The following STOML2 variants were observed in gnomAD, a reference collection of about 807,000 sequenced individuals.
STOML2 encodes stomatin like 2.
Under a neutral mutation model 45.7 loss-of-function variants are expected in STOML2, and 22 were observed. That is an observed-to-expected ratio of 0.48 (90% CI 0.34 to 0.69). The LOEUF (loss-of-function observed/expected upper bound fraction) is 0.69, where lower values mean the gene tolerates loss of function less well. Among genes scored for constraint, STOML2 ranks in the 30% least tolerant of loss-of-function variants. The pLI, the probability that STOML2 is intolerant of heterozygous loss-of-function variation, is 0.01. For synonymous variants in STOML2, 181 were observed against 182.7 expected, an observed-to-expected ratio of 0.99 and a Z score of 0.08; for missense variants, 359 against 466.9, an observed-to-expected ratio of 0.77 and a Z score of 2.13.
In STOML2 at chr9:35,100,635, G is replaced by T; in HGVS notation, c.896C>A (p.Pro299His). 1 of 1,614,110 alleles carries T rather than the reference G, an allele frequency of 6.2e-7. No individual in the cohort carries two copies. Among genetic ancestry groups the T allele is most frequent in the East Asian group, 2.2e-5 (1 of 44,876 alleles). Reference protein sequence around the residue: ...LAKDSNTILLPSNPGDVTSMV... With the variant: ...LAKDSNTILLHSNPGDVTSMV... ...GCTGGTGACATCGCCAGGGTTGGAG[G>T]GCAGTAGGATAGTGTTGGAGTCCTT... is the stretch of plus-strand genomic sequence containing the variant. The change falls in exon 9 of 10, where the codon CCC becomes CAC. Residue 299 changes from proline to histidine, a missense_variant. Pro to His is a moderately conservative substitution (Grantham distance 77). Coordinates refer to ENST00000356493, the MANE Select transcript of STOML2 (RefSeq NM_013442.3).
chr9:35,102,923 G>C lies in STOML2; in HGVS notation c.46-100C>G. On this transcript the variant is annotated intron_variant, in intron 1 of 9. Coordinates refer to ENST00000356493, the MANE Select transcript of STOML2 (RefSeq NM_013442.3). The surrounding 1 kb of genome is among the most constrained non-coding windows in gnomAD (Gnocchi z 4.8). ...ATAAACCACGACCCTCAGGATCCTC[G>C]GAGAATCACATGGGGACCATGACCT... is the stretch of plus-strand genomic sequence containing the variant. 1 of 1,573,238 alleles carries C rather than the reference G, an allele frequency of 6.4e-7. No homozygotes were observed. Among genetic ancestry groups the C allele is most frequent in the Non-Finnish European group, 8.6e-7 (1 of 1,157,642 alleles).
rs1829828809 is a variant in STOML2 at position 35,102,019 on chromosome 9, T to C, written c.284-57A>G. ...CAGGCCTCTAGGTCCCAACCAGTTC[T>C]TTCTACTAAGCTCTGGATCTACAGC... On this transcript the variant is annotated intron_variant, in intron 3 of 9. Coordinates refer to ENST00000356493, the MANE Select transcript of STOML2 (RefSeq NM_013442.3). The surrounding 1 kb of genome is among the most constrained non-coding windows in gnomAD (Gnocchi z 4.8). 4 of 1,613,380 alleles carry C rather than the reference T, an allele frequency of 2.5e-6. No individual in the cohort carries two copies. In the Admixed American group the frequency reaches 6.7e-5, roughly 27 times the overall value.
At chr9:35,103,192 C>T, upstream of STOML2, 1 of 1,448,156 alleles carries the variant, frequency 6.9e-7, no homozygotes, top group Non-Finnish European at 9.4e-7. Context: ...TCCGCTCCCC[C>T]GGATGTACTT....
chr9:35,100,277 G>C, intron 9 of STOML2, 105 bp from the exon 10 acceptor site: 4 of 1,463,140 alleles, frequency 2.7e-6, no homozygotes, highest in Non-Finnish European at 3.7e-6. Flanking sequence ...CAGTAAGTTG[G>C]TTTTCCTTTC....
Position 35,100,017 on chromosome 9 carries a change from T to A in STOML2, c.*18A>T. Reference sequence around the variant, plus strand: ...TCTGCTTCCTTGTTCCCAGACTCCCTGGCCAAGCCCAGCTCCACTAACTCA... The same window carrying A: ...TCTGCTTCCTTGTTCCCAGACTCCCAGGCCAAGCCCAGCTCCACTAACTCA... On this transcript the variant is annotated 3_prime_UTR_variant, in exon 10 of 10. Transcript: ENST00000356493. The A allele has an allele frequency of 6.2e-7, 1 of 1,609,548 alleles. No homozygotes were observed. The highest frequency in any genetic ancestry group is 1.1e-5 in the South Asian group (1 of 90,912).
At position 35,102,788 on chromosome 9, in the gene STOML2, G is replaced by A; in HGVS notation, c.81C>T (p.Arg27=). The change falls in exon 2 of 10, where the codon CGC becomes CGT. Residue 27 remains arginine (R), a synonymous_variant. Transcript: ENST00000356493. The surrounding 1 kb of genome is among the most constrained non-coding windows in gnomAD (Gnocchi z 4.8). The part of the protein sequence containing the change: ...SLLASGRAPR[R]ASSGLPRNTV... ...TGTTTCGGGGCAATCCAGAGGAGGC[G>A]CGGCGCGGAGCGCGGCCAGAAGCCA... The A allele has an allele frequency of 6.2e-7, 1 of 1,614,026 alleles. No homozygotes were observed.
rs1018250923 is a variant in STOML2 at position 35,101,635 on chromosome 9, A to T, written c.444+75T>A. On this transcript the variant is annotated intron_variant, in intron 5 of 9. Transcript: ENST00000356493. The surrounding 1 kb of genome is among the most constrained non-coding windows in gnomAD (Gnocchi z 4.3). ...CTACACTGAGAAGGGCCTGGGACTG[A>T]TCTTGACCTTCAGAAAAGATTAAGA... 1 of 1,613,628 alleles carries T rather than the reference A, an allele frequency of 6.2e-7. No individual in the cohort carries two copies. The highest frequency in any genetic ancestry group is 8.5e-7 in the Non-Finnish European group (1 of 1,179,804).
Position 35,100,616 on chromosome 9 carries a change from G to A in STOML2, c.915C>T (p.Val305=). 1 of 1,614,056 alleles carries A rather than the reference G, an allele frequency of 6.2e-7. No homozygotes were observed. Among genetic ancestry groups the A allele is most frequent in the Non-Finnish European group, 8.5e-7 (1 of 1,180,032 alleles). Reference sequence around the variant, plus strand: ...CTCTAACCTGAGCCACCATGCTGGTGACATCGCCAGGGTTGGAGGGCAGTA... The same window carrying A: ...CTCTAACCTGAGCCACCATGCTGGTAACATCGCCAGGGTTGGAGGGCAGTA... ...TILLPSNPGD[V]TSMVAQAMGV... Residue 305 remains valine (V), a synonymous_variant, in exon 9 of 10, where the codon GTC becomes GTT. Transcript: ENST00000356493.
chr9:35,101,212 T>A lies in STOML2; in HGVS notation c.647A>T (p.Asn216Ile), dbSNP rs770556916. 2 of 1,614,236 alleles carry A rather than the reference T, an allele frequency of 1.2e-6. No individual in the cohort carries two copies. Among genetic ancestry groups the A allele is most frequent in the Non-Finnish European group, 8.5e-7 (1 of 1,180,044 alleles). The change falls in exon 7 of 10, where the codon AAT (asparagine) becomes ATT (isoleucine). Residue 216 changes from asparagine (N) to isoleucine (I), a missense_variant. This residue lies in a region of STOML2 where 285 missense variants were observed against 422.0 expected (regional missense o/e 0.68). Transcript: ENST00000356493. This position sits in a 1 kb window ranked among gnomAD's most constrained non-coding sequence, Gnocchi z 4.3. The part of the protein sequence containing the change: ...ESEGTRESAI[N>I]VAEGKKQAQI... ...GGCCTGTTTCTTCCCTTCTGCCACATTGATGGCCGACTCTCGGGTCCCCTC... is the reference window on the plus strand; with the variant it reads ...GGCCTGTTTCTTCCCTTCTGCCACAATGATGGCCGACTCTCGGGTCCCCTC...
In STOML2 at chr9:35,100,586, G is replaced by C; in HGVS notation, c.933+12C>G. The C allele has an allele frequency of 1.2e-6, 2 of 1,613,448 alleles. No individual in the cohort carries two copies. The highest frequency in any genetic ancestry group is 1.7e-6 in the Non-Finnish European group (2 of 1,179,982). ...ACCAGTGCTCTATGCTGGGTCCTCA[G>C]AGAGCTCTAACCTGAGCCACCATGC... is the stretch of plus-strand genomic sequence containing the variant. On this transcript the variant is annotated intron_variant, in intron 9 of 9. Transcript: ENST00000356493.
In STOML2 at chr9:35,100,016, CT is replaced by C. The variant is rs1157052860; in HGVS notation, c.*18del. ...ATCTGCTTCCTTGTTCCCAGACTCC[CT>C]GGCCAAGCCCAGCTCCACTAACTCA... On this transcript the variant is annotated 3_prime_UTR_variant, in exon 10 of 10. Transcript: ENST00000356493. 1.9e-6 allele frequency: 3 copies of C among 1,609,204 alleles called. No homozygotes were observed. The highest frequency in any genetic ancestry group is 1.7e-6 in the Non-Finnish European group (2 of 1,176,086).
Position 35,100,956 on chromosome 9 carries a change from G to T in STOML2, c.780C>A (p.Ile260=). ...CATGTTGTGTCAGAGCTGCAGCCAG[G>T]ATTCGAATAGCTTCAGCTTTAGCCT... The part of the protein sequence containing the change: ...KAKAKAEAIR[I]LAAALTQHNG... Residue 260 remains isoleucine (I), a synonymous_variant, in exon 8 of 10, where the codon ATC becomes ATA. Coordinates refer to ENST00000356493, the MANE Select transcript of STOML2 (RefSeq NM_013442.3). 6.2e-7 allele frequency: 1 copy of T among 1,614,250 alleles called. No individual in the cohort carries two copies. The highest frequency in any genetic ancestry group is 1.3e-5 in the African/African-American group (1 of 75,064).
Position 35,101,081 on chromosome 9 carries a change from C to T in STOML2, c.724+54G>A. 6.2e-7 allele frequency: 1 copy of T among 1,612,950 alleles called. No individual in the cohort carries two copies. The highest frequency in any genetic ancestry group is 8.5e-7 in the Non-Finnish European group (1 of 1,179,054). The stretch of plus-strand genomic sequence containing the variant: ...TACCCCAAAGATCCTGCCCCAGCAC[C>T]AATCTTCAAAGGCCCATGCCTTGCT... On this transcript the variant is annotated intron_variant, in intron 7 of 9. Transcript: ENST00000356493. The surrounding 1 kb of genome is among the most constrained non-coding windows in gnomAD (Gnocchi z 4.3).
Position 35,101,336 on chromosome 9 carries a change from A to C in STOML2, c.580-57T>G, listed in dbSNP as rs1829811849. On this transcript the variant is annotated intron_variant, in intron 6 of 9. Coordinates refer to ENST00000356493, the MANE Select transcript of STOML2 (RefSeq NM_013442.3). This position sits in a 1 kb window ranked among gnomAD's most constrained non-coding sequence, Gnocchi z 4.3. ...CCAAGGGAGACTGATACAGACATGC[A>C]ACTCTACCCATCATAACAGGAGGGA... The C allele has an allele frequency of 1.2e-6, 2 of 1,613,086 alleles. No individual in the cohort carries two copies. The highest frequency in any genetic ancestry group is 1.7e-5 in the Admixed American group (1 of 59,994).
Position 35,103,119 on chromosome 9 carries a change from G to A in STOML2, c.-25C>T, listed in dbSNP as rs750667737. 1.6e-5 allele frequency: 26 copies of A among 1,611,494 alleles called. No individual in the cohort carries two copies. In the East Asian group the frequency reaches 2.9e-4, roughly 18 times the overall value. ...TTTCCCACCGCCGCAGCGACCTCCG[G>A]AACCAACGAGACGAGCGGAGCGGTC... is the stretch of plus-strand genomic sequence containing the variant. On this transcript the variant is annotated 5_prime_UTR_variant, in exon 1 of 10. Coordinates refer to ENST00000356493, the MANE Select transcript of STOML2 (RefSeq NM_013442.3).
In STOML2 at chr9:35,101,204, C is replaced by T; in HGVS notation, c.655G>A (p.Glu219Lys). 6.2e-7 allele frequency: 1 copy of T among 1,614,260 alleles called. No individual in the cohort carries two copies. ...AGGATCTGGGCCTGTTTCTTCCCTT[C>T]TGCCACATTGATGGCCGACTCTCGG... ...GTRESAINVA[E>K]GKKQAQILAS... The change falls in exon 7 of 10, where the codon GAA becomes AAA. Residue 219 changes from glutamate (E) to lysine (K), a missense_variant. Physicochemically the swap from Glu to Lys is moderately conservative, Grantham distance 56 (BLOSUM62 1). Around this residue, in one of 2 missense-constraint regions of STOML2, gnomAD observed 285 missense variants for 422.0 expected, o/e 0.68. Coordinates refer to ENST00000356493, the MANE Select transcript of STOML2 (RefSeq NM_013442.3). This position sits in a 1 kb window ranked among gnomAD's most constrained non-coding sequence, Gnocchi z 4.3.
intron 8 of STOML2, 54 bp from the exon 9 acceptor site, chr9:35,100,780 G>A (rs2131093752): frequency 6.2e-7 from 1 of 1,613,484 alleles, no homozygotes; most frequent in East Asian, 2.2e-5. Flanking sequence ...GAAGAAGGGG[G>A]GGATGGGGAA....
Position 35,102,946 on chromosome 9 carries a change from C to T in STOML2, c.45+104G>A. 3 of 1,583,878 alleles carry T rather than the reference C, an allele frequency of 1.9e-6. No individual in the cohort carries two copies. Among genetic ancestry groups the T allele is most frequent in the East Asian group, 2.2e-5 (1 of 44,482 alleles). On this transcript the variant is annotated intron_variant, in intron 1 of 9. Coordinates refer to ENST00000356493, the MANE Select transcript of STOML2 (RefSeq NM_013442.3). This position sits in a 1 kb window ranked among gnomAD's most constrained non-coding sequence, Gnocchi z 4.8. ...TCGGAGAATCACATGGGGACCATGA[C>T]CTCTGACCCCAGTCCTCTCCAAAAG... is the stretch of plus-strand genomic sequence containing the variant.
rs755768193 is a variant in STOML2, at chr9:35,101,895, G to A, written c.342+9C>T. The A allele has an allele frequency of 2.5e-6, 4 of 1,614,172 alleles. No homozygotes were observed. The highest frequency in any genetic ancestry group is 3.4e-6 in the Non-Finnish European group (4 of 1,180,026). On this transcript the variant is annotated intron_variant, in intron 4 of 9. Transcript: ENST00000356493. This position sits in a 1 kb window ranked among gnomAD's most constrained non-coding sequence, Gnocchi z 4.3. ...ACTCAAAAGGCTGGATAAAGTAGGGGACAGGTACCTTGTAAGGGTCCATGA... is the reference window on the plus strand; with the variant it reads ...ACTCAAAAGGCTGGATAAAGTAGGGAACAGGTACCTTGTAAGGGTCCATGA...
Sources: gnomAD v4.1 joint callset for allele counts on GRCh38, gnomAD v4.1.1 for gene constraint, gnomAD v4.1.1 regional missense constraint, Gnocchi (gnomAD v3.1) non-coding constraint, MANE v1.5 for transcripts, NCBI Gene and HGNC (gene_info 2026-07-23, HGNC 2026-07-21) for gene names.